TAFA1: variants seen among roughly 807,000 people sequenced by gnomAD.
TAFA1 encodes TAFA chemokine like family member 1, also known as chemokine-like protein TAFA-1.
A neutral mutation model predicts 18.5 loss-of-function variants in TAFA1; 4 were observed. That is an observed-to-expected ratio of 0.22 (90% CI 0.11 to 0.49). The LOEUF (loss-of-function observed/expected upper bound fraction) is 0.49, where lower values mean the gene tolerates loss of function less well. Ranked by LOEUF, TAFA1 falls within the 20% of genes least tolerant of loss-of-function variation. The probability of loss-of-function intolerance (pLI) is 0.98; values close to 1 mark genes in which losing one functional copy is unlikely to be tolerated. For missense variants in TAFA1, 147 were observed against 169.0 expected, an observed-to-expected ratio of 0.87 and a Z score of 0.72; for synonymous variants, 56 against 55.2, an observed-to-expected ratio of 1.01 and a Z score of -0.06.
At chr3:68,026,352 G>A (rs192777883) in intron 2 of TAFA1, among the ~76,000 whole-genome samples, 174 of 151,970 alleles carry the variant, frequency 1.1e-3, no homozygotes, top group Non-Finnish European at 1.6e-3. Context: ...CATCCCCACC[G>A]AGAGGGTCCA....
At chr3:68,180,493 A>G (rs2066184994) in intron 2 of TAFA1, among the ~76,000 whole-genome samples, 1 of 152,162 alleles carries the variant, frequency 6.6e-6, no homozygotes, top group South Asian at 2.1e-4. Flanking sequence ...ATTAGCCCAT[A>G]TTGTCCCAAC....
chr3:68,265,684 C>A (rs547217074), intron 2 of TAFA1, among the ~76,000 whole-genome samples: 1 of 152,086 alleles, frequency 6.6e-6, no homozygotes, highest in Non-Finnish European at 1.5e-5. Context: ...TTGGAAGGAG[C>A]CTGTCTTGCT....
intron 2 of TAFA1, among the ~76,000 whole-genome samples, chr3:68,068,164 T>A (rs536386094): frequency 6.6e-6 from 1 of 152,070 alleles, no homozygotes; most frequent in Non-Finnish European, 1.5e-5. Flanking sequence ...ACTTTTAACT[T>A]AAAAAAAGTT....
At chr3:68,193,072 G>T (rs1202893462) in intron 2 of TAFA1, among the ~76,000 whole-genome samples, 1 of 151,540 alleles carries the variant, frequency 6.6e-6, no homozygotes, top group Non-Finnish European at 1.5e-5. Context: ...CTAAGACGAT[G>T]AAAAAAATCA....
intron 3 of TAFA1, among the ~76,000 whole-genome samples, chr3:68,483,001 G>T (rs530043393): frequency 2.0e-5 from 3 of 152,208 alleles, no homozygotes; most frequent in Non-Finnish European, 4.4e-5. Flanking sequence ...GGTCAGTTCT[G>T]TTGTTTCTTG....
At chr3:68,393,931 G>A (rs1297054833) in intron 2 of TAFA1, among the ~76,000 whole-genome samples, 2 of 152,052 alleles carry the variant, frequency 1.3e-5, no homozygotes, top group African/African-American at 2.4e-5. Flanking sequence ...AAAGCTGGAA[G>A]CATTCCCTTT....
chr3:68,476,604 G>A (rs557115536), intron 3 of TAFA1, among the ~76,000 whole-genome samples: 2 of 152,224 alleles, frequency 1.3e-5, no homozygotes, highest in South Asian at 4.2e-4. Context: ...GACTTAAGGT[G>A]GCTTCATAGA....
intron 2 of TAFA1, among the ~76,000 whole-genome samples, chr3:68,035,584 T>C (rs1053714652): frequency 2.0e-5 from 3 of 152,188 alleles, no homozygotes; most frequent in Non-Finnish European, 4.4e-5. Context: ...AACAATTTTA[T>C]GGGAATAAAA....
chr3:68,322,240 A>G (rs1281701148), intron 2 of TAFA1, among the ~76,000 whole-genome samples: 2 of 152,202 alleles, frequency 1.3e-5, no homozygotes, highest in Admixed American at 6.5e-5. Context: ...CTCCATAATT[A>G]TTTTGACATA....
chr3:68,299,370 A>G (rs2068265970), intron 2 of TAFA1, among the ~76,000 whole-genome samples: 1 of 152,236 alleles, frequency 6.6e-6, no homozygotes, highest in African/African-American at 2.4e-5. Flanking sequence ...GACTTAAGGT[A>G]TCTAGCAGAA....
intron 2 of TAFA1, among the ~76,000 whole-genome samples, chr3:68,278,167 T>C (rs1207786399): frequency 6.6e-6 from 1 of 152,108 alleles, no homozygotes; most frequent in East Asian, 1.9e-4. Context: ...TCACCAACAG[T>C]AGCTGTGAGT....
intron 2 of TAFA1, among the ~76,000 whole-genome samples, chr3:68,034,555 C>T (rs1705005627): frequency 1.3e-5 from 2 of 152,152 alleles, no homozygotes; most frequent in Non-Finnish European, 2.9e-5. Flanking sequence ...TCTATTGTGA[C>T]CTAGCTTTCA....
At chr3:68,419,292 C>T (rs906162866) in intron 3 of TAFA1, among the ~76,000 whole-genome samples, 12 of 152,116 alleles carry the variant, frequency 7.9e-5, no homozygotes, top group African/African-American at 2.9e-4. Context: ...TGTGGGGCAC[C>T]ATGGAAGCTG....
At chr3:68,469,195 A>T (rs926651746) in intron 3 of TAFA1, among the ~76,000 whole-genome samples, 4 of 151,426 alleles carry the variant, frequency 2.6e-5, no homozygotes, top group Non-Finnish European at 5.9e-5. Flanking sequence ...TATATAAAAT[A>T]AAAATATTTA....
At chr3:68,178,033 A>G (rs2066146952) in intron 2 of TAFA1, among the ~76,000 whole-genome samples, 1 of 152,012 alleles carries the variant, frequency 6.6e-6, no homozygotes, top group Non-Finnish European at 1.5e-5. Context: ...AGTCCCAGCT[A>G]CTCGGGAGGC....
chr3:68,079,803 G>A (rs2064873172), intron 2 of TAFA1, among the ~76,000 whole-genome samples: 2 of 152,130 alleles, frequency 1.3e-5, no homozygotes, highest in Non-Finnish European at 2.9e-5. Context: ...ATTTGGGGTG[G>A]AGAGCTCTGT....
chr3:68,115,137 GCCTTCTGGAACA>G (rs1224061981), intron 2 of TAFA1, among the ~76,000 whole-genome samples: 1 of 152,220 alleles, frequency 6.6e-6, no homozygotes, highest in Non-Finnish European at 1.5e-5. Context: ...ACAGCCAGGA[GCCTTCTGGAACA>G]CTGGCAAAGT....
chr3:68,528,564 G>A (rs1040614024), intron 3 of TAFA1, among the ~76,000 whole-genome samples: 4 of 152,208 alleles, frequency 2.6e-5, no homozygotes, highest in African/African-American at 9.6e-5. Context: ...GAAAAGAGTT[G>A]TAACAGCTGT....
chr3:68,153,954 C>T (rs943992177), intron 2 of TAFA1, among the ~76,000 whole-genome samples: 4 of 152,108 alleles, frequency 2.6e-5, no homozygotes, highest in African/African-American at 9.7e-5. Flanking sequence ...TTTCTAACTC[C>T]CATCCTTTAG....
Sources: gnomAD v4.1 joint callset for allele counts (sites outside exome capture counted in the v4.1 genomes callset) on GRCh38, gnomAD v4.1.1 for gene constraint, MANE v1.5 for transcripts, NCBI Gene and HGNC (gene_info 2026-07-23, HGNC 2026-07-21) for gene names.